Variants in CTNNA3 observed in about 807,000 individuals in gnomAD.
CTNNA3 encodes the protein catenin alpha-3.
A neutral mutation model predicts 95.7 loss-of-function variants in CTNNA3; 76 were observed. The observed-to-expected ratio is 0.79, with a 90% confidence interval of 0.66 to 0.96. The LOEUF (loss-of-function observed/expected upper bound fraction) is 0.96, where lower values mean the gene tolerates loss of function less well. CTNNA3 is among the 40% of genes least tolerant of loss of function. The pLI is 0.00. For missense variants in CTNNA3, 1,191 were observed against 1,089.8 expected (o/e 1.09, Z -1.31); for synonymous variants, 431 against 374.4 (o/e 1.15, Z -1.74).
intron 5 of CTNNA3, among the ~76,000 whole-genome samples, chr10:67,223,628 T>A (rs1390561521): frequency 6.6e-6 from 1 of 152,220 alleles, no homozygotes; most frequent in African/African-American, 2.4e-5. Context: ...ATATGAGTTT[T>A]AACCCTGGCA....
At chr10:66,279,847 A>G (rs916626037) in intron 13 of CTNNA3, among the ~76,000 whole-genome samples, 2 of 152,020 alleles carry the variant, frequency 1.3e-5, no homozygotes, top group African/African-American at 2.4e-5. Context: ...TTAAAAGAAC[A>G]TTTTACATTA....
rs533272479 is a variant in CTNNA3, at chr10:67,584,836, G to A, written c.292+22021C>T. ...CTCAAACTGTGTGCTAGCAATGAGC[G>A]AGGCTCCATGGGCATGGGACCCTGT... On this transcript the variant is annotated intron_variant, in intron 3 of 17. Coordinates refer to ENST00000433211, the MANE Select transcript of CTNNA3 (RefSeq NM_013266.4). Among the ~76,000 whole-genome samples, 15 of 152,312 alleles carry A rather than the reference G, an allele frequency of 9.8e-5. No homozygotes were observed. In the East Asian group the frequency reaches 2.9e-3, roughly 29 times the overall value.
chr10:66,702,732 A>AGT (rs57680848), intron 9 of CTNNA3, among the ~76,000 whole-genome samples: 18 of 134,334 alleles, frequency 1.3e-4, no homozygotes, highest in African/African-American at 4.3e-4. Flanking sequence ...AAAAAAGAAT[A>AGT]AGTAGTAGTA....
intron 15 of CTNNA3, among the ~76,000 whole-genome samples, chr10:66,050,197 T>C (rs1453729789): frequency 6.6e-6 from 1 of 152,086 alleles, no homozygotes; most frequent in African/African-American, 2.4e-5. Flanking sequence ...GTATAATGAA[T>C]ATTCTCCTGA....
At chr10:67,061,109 T>G (rs767154975) in intron 7 of CTNNA3, among the ~76,000 whole-genome samples, 2 of 152,106 alleles carry the variant, frequency 1.3e-5, no homozygotes, top group Non-Finnish European at 2.9e-5. Context: ...GGCTAAAAAT[T>G]AACGGTTTGG....
intron 10 of CTNNA3, among the ~76,000 whole-genome samples, chr10:66,536,532 AG>A (rs1841666351): frequency 6.6e-6 from 1 of 152,068 alleles, no homozygotes; most frequent in Admixed American, 6.5e-5. Flanking sequence ...AGACAAATAA[AG>A]AAATGCATCC....
intron 9 of CTNNA3, among the ~76,000 whole-genome samples, chr10:66,656,909 GC>G (rs1403816089): frequency 6.6e-6 from 1 of 152,040 alleles, no homozygotes; most frequent in African/African-American, 2.4e-5. Context: ...CAATTGTAAA[GC>G]TGTTTCCTGC....
chr10:67,306,086 T>C (rs529568707), intron 5 of CTNNA3, among the ~76,000 whole-genome samples: 8 of 151,700 alleles, frequency 5.3e-5, no homozygotes, highest in Non-Finnish European at 1.2e-4. Flanking sequence ...AAATAGGAGG[T>C]GAAGAAACAG....
At chr10:67,171,875 A>G (rs1479934658) in intron 7 of CTNNA3, among the ~76,000 whole-genome samples, 1 of 152,234 alleles carries the variant, frequency 6.6e-6, no homozygotes, top group East Asian at 1.9e-4. Context: ...TTGAAGAAAA[A>G]TAGGCAAAAA....
intron 13 of CTNNA3, among the ~76,000 whole-genome samples, chr10:66,186,798 ATCT>A (rs2086367965): frequency 2.0e-5 from 3 of 152,282 alleles, no homozygotes; most frequent in East Asian, 3.9e-4. Context: ...ACTTCCAAAA[ATCT>A]TCTTCTCCAT....
At chr10:66,427,666 C>T (rs960463569) in intron 11 of CTNNA3, among the ~76,000 whole-genome samples, 16 of 151,632 alleles carry the variant, frequency 1.1e-4, no homozygotes, top group South Asian at 4.1e-4. Context: ...GTGATATCTG[C>T]ACTATGACAT....
At chr10:67,609,044 C>A (rs1047946905) in intron 2 of CTNNA3, among the ~76,000 whole-genome samples, 1 of 143,770 alleles carries the variant, frequency 7.0e-6, no homozygotes, top group Admixed American at 7.0e-5. Context: ...GAGCCGAAAT[C>A]ACGCCATTGC....
intron 7 of CTNNA3, among the ~76,000 whole-genome samples, chr10:66,810,528 A>G (rs953894901): frequency 1.3e-5 from 2 of 152,262 alleles, no homozygotes; most frequent in South Asian, 2.1e-4. Context: ...TAGGTTCTCA[A>G]TATCTCTATC....
intron 7 of CTNNA3, among the ~76,000 whole-genome samples, chr10:67,165,781 T>G (rs959196869): frequency 6.6e-6 from 1 of 152,194 alleles, no homozygotes; most frequent in African/African-American, 2.4e-5. Context: ...TCAAGTAGAT[T>G]CAGTCAGTTT....
At chr10:66,268,900 T>G (rs561401077) in intron 13 of CTNNA3, among the ~76,000 whole-genome samples, 3 of 152,210 alleles carry the variant, frequency 2.0e-5, no homozygotes, top group Non-Finnish European at 2.9e-5. Flanking sequence ...TGAAAGATAC[T>G]GAATCATTGA....
chr10:67,543,197 TA>T (rs964115609), intron 3 of CTNNA3, among the ~76,000 whole-genome samples: 6 of 151,884 alleles, frequency 4.0e-5, no homozygotes, highest in African/African-American at 9.6e-5. Context: ...TTTTAATCGT[TA>T]AAAAAAATCA....
At chr10:67,500,742 T>C (rs950301244) in intron 5 of CTNNA3, among the ~76,000 whole-genome samples, 1 of 152,238 alleles carries the variant, frequency 6.6e-6, no homozygotes, top group Non-Finnish European at 1.5e-5. Flanking sequence ...GAGACTAGGA[T>C]TGCAAACCCT....
intron 6 of CTNNA3, among the ~76,000 whole-genome samples, chr10:67,190,306 TG>T (rs1251169602): frequency 1.3e-5 from 2 of 152,038 alleles, no homozygotes; most frequent in African/African-American, 2.4e-5. Flanking sequence ...ATATATATAA[TG>T]ATATCATATA....
chr10:67,549,714 G>A (rs1214137042), intron 3 of CTNNA3, among the ~76,000 whole-genome samples: 1 of 151,850 alleles, frequency 6.6e-6, no homozygotes, highest in Non-Finnish European at 1.5e-5. Context: ...TAAAGGTTGG[G>A]AAAAAATCAA....
Sources: gnomAD v4.1 joint callset for allele counts (sites outside exome capture counted in the v4.1 genomes callset) on GRCh38, gnomAD v4.1.1 for gene constraint, MANE v1.5 for transcripts, NCBI Gene and HGNC (gene_info 2026-07-23, HGNC 2026-07-21) for gene names.